NOL4L: variants seen among roughly 807,000 people sequenced by gnomAD.
NOL4L encodes nucleolar protein 4-like.
A neutral mutation model predicts 64.5 loss-of-function variants in NOL4L; 7 were observed. The observed-to-expected ratio is 0.11, with a 90% CI of 0.06 to 0.20. NOL4L has a LOEUF of 0.20. NOL4L is among the 10% of genes least tolerant of loss of function. NOL4L has a pLI of 1.00. For synonymous variants in NOL4L, 413 were observed against 401.0 expected, an observed-to-expected ratio of 1.03 and a Z score of -0.36; for missense variants, 680 against 967.1, an observed-to-expected ratio of 0.70 and a Z score of 3.94.
At chr20:32,567,763 C>T (rs905641696) in intron 1 of NOL4L, among the ~76,000 whole-genome samples, 1 of 152,168 alleles carries the variant, frequency 6.6e-6, no homozygotes, top group African/African-American at 2.4e-5. Context: ...GCACTTAGAA[C>T]AGACTGGCAC....
At chr20:32,574,432 C>A (rs895535792) in intron 1 of NOL4L, among the ~76,000 whole-genome samples, 2 of 152,176 alleles carry the variant, frequency 1.3e-5, no homozygotes, top group African/African-American at 4.8e-5. Context: ...GGTTTGCTAA[C>A]CTGTAGAATG....
intron 1 of NOL4L, among the ~76,000 whole-genome samples, chr20:32,580,862 G>A (rs1398871458): frequency 1.3e-5 from 2 of 152,214 alleles, no homozygotes; most frequent in Admixed American, 6.5e-5. Context: ...CACCTCAGCC[G>A]TAACCTGTGG....
intron 10 of NOL4L, among the ~76,000 whole-genome samples, chr20:32,449,020 C>CA (rs1217938419): frequency 6.6e-6 from 1 of 152,222 alleles, no homozygotes; most frequent in Non-Finnish European, 1.5e-5. Flanking sequence ...TAGACTGGCC[C>CA]AATAGGGAAG....
rs975685066 is a variant in NOL4L at position 32,521,013 on chromosome 20, T to A, written c.478-91A>T. 8.8e-6 allele frequency: 6 copies of A among 681,822 alleles called. No homozygotes were observed. The African/African-American group carries it at 1.1e-4, about 13-fold the overall frequency. 42.2% of individuals were successfully genotyped at this position (681,822 alleles called of 1,614,324 possible). A position where few individuals can be genotyped will look rare whatever the true frequency, so the allele number is the denominator to read the frequency against. ...CCAAGGTCTGAGCTTTGGTGGCAGG[T>A]GCTTCGGCTCTTGCAAGGAAAGTCA... On this transcript the variant is annotated intron_variant, in intron 2 of 10. Coordinates refer to ENST00000621426, the MANE Select transcript of NOL4L (RefSeq NM_001256798.2).
intron 4 of NOL4L, among the ~76,000 whole-genome samples, chr20:32,482,488 T>C: frequency 6.6e-6 from 1 of 151,808 alleles, no homozygotes; most frequent in East Asian, 1.9e-4. Flanking sequence ...CGGATTGCAC[T>C]CCCCCCTCCT....
At chr20:32,495,523 T>G (rs1355367988) in intron 4 of NOL4L, among the ~76,000 whole-genome samples, 2 of 152,186 alleles carry the variant, frequency 1.3e-5, no homozygotes, top group Non-Finnish European at 2.9e-5. Flanking sequence ...AACATGCCTG[T>G]CTGCTGCTGA....
chr20:32,567,220 C>T (rs934460954), intron 1 of NOL4L, among the ~76,000 whole-genome samples: 2 of 152,188 alleles, frequency 1.3e-5, no homozygotes, highest in African/African-American at 4.8e-5. Context: ...AGGGAAACAG[C>T]AATGTGGGTG....
chr20:32,537,003 G>T, intron 1 of NOL4L: 13 of 822,720 alleles, frequency 1.6e-5, no homozygotes, highest in Non-Finnish European at 1.9e-5. Context: ...CGCGCCCGCC[G>T]GCCTCGCGTC....
chr20:32,447,810 G>C lies in NOL4L; in HGVS notation c.1829C>G (p.Thr610Arg), dbSNP rs922138702. ...GGCCCCGCCTTTCATGCTGAGGTCCGTGGGCCCTGTGGAGAGGGAAGTAGG... is the reference window on the plus strand; with the variant it reads ...GGCCCCGCCTTTCATGCTGAGGTCCCTGGGCCCTGTGGAGAGGGAAGTAGG... ...LQTGNHSNGP[T>R]DLSMKGGAST... Residue 610 changes from threonine (T) to arginine (R), a missense_variant, in exon 11 of 11, where the codon ACG (threonine) becomes AGG (arginine). Thr to Arg is a moderately conservative substitution (Grantham distance 71). Transcript: ENST00000621426. 1.3e-6 allele frequency: 2 copies of C among 1,550,162 alleles called. No homozygotes were observed. The highest frequency in any genetic ancestry group is 1.4e-5 in the African/African-American group (1 of 73,214).
At chr20:32,504,672 T>G (rs1354678649) in intron 4 of NOL4L, among the ~76,000 whole-genome samples, 14 of 151,616 alleles carry the variant, frequency 9.2e-5, no homozygotes, top group Non-Finnish European at 1.5e-4. Context: ...TGGCATGATC[T>G]CTGCTCACTG....
At chr20:32,520,771 T>C in intron 3 of NOL4L, 40 bp downstream of exon 3, 2 of 1,301,110 alleles carry the variant, frequency 1.5e-6, no homozygotes, top group Non-Finnish European at 2.2e-6. Context: ...CACTCTTAGA[T>C]GGCCCCCGCC....
At chr20:32,520,454 G>T (rs1357363483) in intron 3 of NOL4L, among the ~76,000 whole-genome samples, 5 of 152,162 alleles carry the variant, frequency 3.3e-5, no homozygotes, top group African/African-American at 1.2e-4. Context: ...AGACCCTCGT[G>T]CATGGAGAAG....
chr20:32,488,894 T>C (rs1199247598), intron 4 of NOL4L, among the ~76,000 whole-genome samples: 2 of 136,452 alleles, frequency 1.5e-5, no homozygotes, highest in East Asian at 2.1e-4. Context: ...TTTCTTTCTT[T>C]CCTCTCTCTT....
chr20:32,465,152 G>A, intron 5 of NOL4L: 6 of 486,142 alleles, frequency 1.2e-5, no homozygotes, highest in South Asian at 3.5e-5. Context: ...GGAGGGGGAG[G>A]TGGACACCAA....
At chr20:32,548,746 C>A in intron 1 of NOL4L, 2 of 412,902 alleles carry the variant, frequency 4.8e-6, no homozygotes, top group African/African-American at 2.1e-5. Context: ...TAAACTCGCC[C>A]ATGCTTGAAA....
At chr20:32,543,312 C>T (rs1600860509) in intron 1 of NOL4L, among the ~76,000 whole-genome samples, 1 of 152,136 alleles carries the variant, frequency 6.6e-6, no homozygotes, top group Non-Finnish European at 1.5e-5. Flanking sequence ...AACCCCGTGT[C>T]TACTAAAAAT....
Position 32,447,836 on chromosome 20 carries a change from G to A in NOL4L, c.1823-20C>T, listed in dbSNP as rs909382385. 2 of 1,526,466 alleles carry A rather than the reference G, an allele frequency of 1.3e-6. No homozygotes were observed. Among genetic ancestry groups the A allele is most frequent in the Admixed American group, 2.1e-5 (1 of 47,940 alleles). The allele number at this position is 1,526,466 out of a possible 1,614,324, so 94.6% of individuals were successfully genotyped here. On this transcript the variant is annotated intron_variant, in intron 10 of 10. Coordinates refer to ENST00000621426, the MANE Select transcript of NOL4L (RefSeq NM_001256798.2). Reference sequence around the variant, plus strand: ...TGGGCCCTGTGGAGAGGGAAGTAGGGTGAGAAGGGAGCAGCCACCCTGCCT... The same window carrying A: ...TGGGCCCTGTGGAGAGGGAAGTAGGATGAGAAGGGAGCAGCCACCCTGCCT...
chr20:32,455,466 GT>G (rs2013398125), intron 6 of NOL4L, among the ~76,000 whole-genome samples: 1 of 152,206 alleles, frequency 6.6e-6, no homozygotes, highest in South Asian at 2.1e-4. Flanking sequence ...AGAAGAGCCT[GT>G]CCAGAGGTGT....
chr20:32,524,699 T>C (rs2018065593), intron 2 of NOL4L, among the ~76,000 whole-genome samples: 1 of 151,460 alleles, frequency 6.6e-6, no homozygotes, highest in Non-Finnish European at 1.5e-5. Context: ...TCAGCAGGGG[T>C]TTCCTTGGGG....
Sources: allele counts gnomAD v4.1 joint callset (sites outside exome capture counted in the v4.1 genomes callset), GRCh38; gene constraint gnomAD v4.1.1; transcripts MANE v1.5; gene names NCBI Gene and HGNC (gene_info 2026-07-23, HGNC 2026-07-21).